Variants in MBNL2 observed in about 807,000 individuals in gnomAD.
MBNL2 encodes the protein muscleblind like splicing regulator 2, also known as muscleblind-like protein 2.
A neutral mutation model predicts 41.9 loss-of-function variants in MBNL2; 17 were observed. The ratio of observed to expected loss-of-function variants is 0.41; its 90% confidence interval spans 0.28 to 0.61. The LOEUF is 0.61. Among genes scored for constraint, MBNL2 ranks in the 20% least tolerant of loss-of-function variants. MBNL2 has a pLI of 0.35. For missense variants in MBNL2, 336 were observed against 505.6 expected (o/e 0.66, Z 3.22); for synonymous variants, 195 against 182.9 (o/e 1.07, Z -0.53).
intron 1 of MBNL2, among the ~76,000 whole-genome samples, chr13:97,261,469 A>G (rs1196365350): frequency 6.6e-6 from 1 of 152,144 alleles, no homozygotes; most frequent in African/African-American, 2.4e-5. Context: ...AAATTGTCCC[A>G]TCTCCAAGAC....
chr13:97,156,572 A>G, the MBNL2 span, among the ~76,000 whole-genome samples: 4 of 139,812 alleles, frequency 2.9e-5, no homozygotes, highest in African/African-American at 8.2e-5. Context: ...TGATTTTTGT[A>G]TAAGGTGTAA....
chr13:97,391,288 A>G lies in MBNL2; in HGVS notation c.1049-34A>G, dbSNP rs7986459. 2.2e-3 allele frequency: 2,008 copies of G among 919,266 alleles called. 30 individuals carry two copies. The African/African-American group carries it at 0.028, about 13-fold the overall frequency. The allele number at this position is 919,266 out of a possible 1,614,324, so 56.9% of individuals were successfully genotyped here. ...ACTCATTATTTTTCCTCCCAGAAGG[A>G]TACCTAAATCATGCTTGTCTTTCTC... On this transcript the variant is annotated intron_variant, in intron 8 of 8. Coordinates refer to ENST00000679496, the MANE Select transcript of MBNL2 (RefSeq NM_001382683.1).
chr13:97,378,203 A>T (rs2065129648), intron 8 of MBNL2, among the ~76,000 whole-genome samples: 1 of 152,246 alleles, frequency 6.6e-6, no homozygotes, highest in African/African-American at 2.4e-5. Context: ...ATTATGTAAT[A>T]ACACTGGCAT....
At chr13:97,153,009 A>G in the MBNL2 span, among the ~76,000 whole-genome samples, 18 of 152,198 alleles carry the variant, frequency 1.2e-4, no homozygotes, top group Admixed American at 7.9e-4. Flanking sequence ...AATAAATAGC[A>G]GACCTAATGT....
At chr13:97,289,933 T>A (rs1325427275) in intron 2 of MBNL2, among the ~76,000 whole-genome samples, 1 of 152,228 alleles carries the variant, frequency 6.6e-6, no homozygotes, top group Non-Finnish European at 1.5e-5. Flanking sequence ...AAACTCCAAC[T>A]AATCAGAAGT....
chr13:97,246,275 TCACACACACA>T (rs34830044), intron 1 of MBNL2, among the ~76,000 whole-genome samples: 57 of 145,904 alleles, frequency 3.9e-4, no homozygotes, highest in African/African-American at 9.0e-4. Context: ...TACTGTTATT[TCACACACACA>T]CACACACACA....
At chr13:97,272,465 A>G (rs989414120) in intron 1 of MBNL2, among the ~76,000 whole-genome samples, 3 of 152,080 alleles carry the variant, frequency 2.0e-5, no homozygotes, top group Non-Finnish European at 2.9e-5. Context: ...ATTAGATCCC[A>G]TTTATCAATT....
Position 97,358,832 on chromosome 13 carries a change from C to T in MBNL2, c.1012+1197C>T, listed in dbSNP as rs1392619617. Among the ~76,000 whole-genome samples, 8 of 152,132 alleles carry T rather than the reference C, an allele frequency of 5.3e-5. No homozygotes were observed. The East Asian group carries it at 1.3e-3, about 26-fold the overall frequency. ...GTTTGAACTTTTCGAGCTTATTATC[C>T]ATTTCCTTAAATCCCATAGCTTATC... On this transcript the variant is annotated intron_variant, in intron 7 of 8. Transcript: ENST00000679496.
the MBNL2 span, among the ~76,000 whole-genome samples, chr13:97,180,759 A>AT: frequency 2.6e-5 from 4 of 151,542 alleles, no homozygotes; most frequent in South Asian, 2.1e-4. Flanking sequence ...AAAAAAAAAA[A>AT]AAAAACATGT....
the MBNL2 span, among the ~76,000 whole-genome samples, chr13:97,153,226 A>G: frequency 2.0e-5 from 3 of 152,188 alleles, no homozygotes; most frequent in South Asian, 2.1e-4. Flanking sequence ...AGAGCAATGT[A>G]AAACACTGTC....
At chr13:97,315,073 A>C (rs574478881) in intron 2 of MBNL2, among the ~76,000 whole-genome samples, 1 of 152,320 alleles carries the variant, frequency 6.6e-6, no homozygotes, top group South Asian at 2.1e-4. Context: ...GCAGACAGTC[A>C]TATATTTATT....
intron 2 of MBNL2, among the ~76,000 whole-genome samples, chr13:97,303,189 A>G (rs2057800664): frequency 6.6e-6 from 1 of 152,170 alleles, no homozygotes; most frequent in Non-Finnish European, 1.5e-5. Flanking sequence ...CTTTGGGATC[A>G]TGAGTTCCTC....
At chr13:97,349,767 T>C (rs1011056478) in intron 5 of MBNL2, among the ~76,000 whole-genome samples, 5 of 152,210 alleles carry the variant, frequency 3.3e-5, no homozygotes, top group African/African-American at 1.2e-4. Context: ...GGTCACTCTC[T>C]TCTTTCCCCT....
chr13:97,232,890 T>TGTGTGTGTGTGTGTGCGC (rs1491513676), intron 1 of MBNL2, among the ~76,000 whole-genome samples: 3 of 134,464 alleles, frequency 2.2e-5, no homozygotes, highest in Non-Finnish European at 1.7e-5. Context: ...TGTGTGTGTG[T>TGTGTGTGTGTGTGTGCGC]GCGCACGTAC....
intron 1 of MBNL2, among the ~76,000 whole-genome samples, chr13:97,238,013 C>G (rs566555165): frequency 7.2e-5 from 11 of 152,126 alleles, no homozygotes; most frequent in Non-Finnish European, 1.0e-4. Flanking sequence ...CCGACCTGGA[C>G]ACGATCAGCT....
chr13:97,368,842 G>T (rs2064107190), intron 8 of MBNL2, among the ~76,000 whole-genome samples: 1 of 151,948 alleles, frequency 6.6e-6, no homozygotes, highest in Non-Finnish European at 1.5e-5. Flanking sequence ...ATAAGTTGAG[G>T]TTTCAACTTC....
At chr13:97,145,752 G>A in the MBNL2 span, among the ~76,000 whole-genome samples, 6 of 152,310 alleles carry the variant, frequency 3.9e-5, no homozygotes, top group African/African-American at 1.4e-4. Flanking sequence ...AAAAGAGCCT[G>A]CCAAGTGGTC....
the MBNL2 span, among the ~76,000 whole-genome samples, chr13:97,169,691 T>C: frequency 5.3e-5 from 8 of 152,312 alleles, no homozygotes; most frequent in Admixed American, 2.6e-4. Context: ...GAAGGTCAAG[T>C]TGAAAAGTAT....
rs571727189 is a variant in MBNL2, at chr13:97,348,026, GTTTCTTAT to G, written c.804+970_804+977del. Among the ~76,000 whole-genome samples, 582 of 149,946 alleles carry G rather than the reference GTTTCTTAT, an allele frequency of 3.9e-3. 5 individuals are homozygous for G. The highest frequency in any genetic ancestry group is 0.013 in the African/African-American group (524 of 40,780). Reference sequence around the variant, plus strand: ...CCTGACATCTGTCCCTTTCCCTGAAGTTTCTTATTTTCTTATTTAGTTGGTCTGGTGTG... The same window carrying G: ...CCTGACATCTGTCCCTTTCCCTGAAGTTTCTTATTTAGTTGGTCTGGTGTG... On this transcript the variant is annotated intron_variant, in intron 5 of 8. Coordinates refer to ENST00000679496, the MANE Select transcript of MBNL2 (RefSeq NM_001382683.1).
Sources: allele counts gnomAD v4.1 joint callset (sites outside exome capture counted in the v4.1 genomes callset), GRCh38; gene constraint gnomAD v4.1.1; transcripts MANE v1.5; gene names NCBI Gene and HGNC (gene_info 2026-07-23, HGNC 2026-07-21).